Variants in RABGAP1L observed in about 807,000 individuals in gnomAD.
The protein encoded by RABGAP1L is rab GTPase-activating protein 1-like.
In RABGAP1L, 63 loss-of-function variants were observed where a neutral mutation model predicts 137.7. The observed-to-expected ratio is 0.46, with a 90% CI of 0.37 to 0.56. The LOEUF (loss-of-function observed/expected upper bound fraction) is 0.56, where lower values mean the gene tolerates loss of function less well. Among genes scored for constraint, RABGAP1L ranks in the 20% least tolerant of loss-of-function variants. The pLI is 0.00. For missense variants in RABGAP1L, 1,095 were observed against 1,244.0 expected (o/e 0.88, Z 1.80); for synonymous variants, 431 against 433.7 (o/e 0.99, Z 0.08).
intron 3 of RABGAP1L, among the ~76,000 whole-genome samples, chr1:174,223,160 C>G (rs1669889587): frequency 1.4e-5 from 2 of 147,788 alleles, no homozygotes; most frequent in Admixed American, 1.4e-4. Flanking sequence ...CCCAGCTACT[C>G]AGGAGGCTGA....
chr1:174,672,989 A>T (rs963470334), intron 14 of RABGAP1L, among the ~76,000 whole-genome samples: 9 of 152,108 alleles, frequency 5.9e-5, no homozygotes, highest in Admixed American at 3.3e-4. Context: ...TAGGGATAGG[A>T]TTCGAACTTT....
At chr1:174,815,639 C>G (rs1690317786) in intron 19 of RABGAP1L, among the ~76,000 whole-genome samples, 1 of 152,184 alleles carries the variant, frequency 6.6e-6, no homozygotes, top group East Asian at 1.9e-4. Flanking sequence ...AACTTGTTAG[C>G]TCTGTATGTG....
At chr1:174,524,716 C>T (rs899320729) in intron 13 of RABGAP1L, among the ~76,000 whole-genome samples, 4 of 141,902 alleles carry the variant, frequency 2.8e-5, no homozygotes, top group African/African-American at 5.6e-5. Flanking sequence ...AAATCTTTGC[C>T]TGGACCAGTG....
intron 12 of RABGAP1L, among the ~76,000 whole-genome samples, chr1:174,383,366 A>T (rs1372794677): frequency 1.3e-5 from 2 of 151,512 alleles, no homozygotes; most frequent in African/African-American, 4.9e-5. Flanking sequence ...AGCCTGGGCA[A>T]TGGCGGGCGC....
intron 12 of RABGAP1L, among the ~76,000 whole-genome samples, chr1:174,384,703 G>A (rs556691121): frequency 6.6e-6 from 1 of 152,148 alleles, no homozygotes; most frequent in South Asian, 2.1e-4. Context: ...ATCCTGCAAA[G>A]TTATGTCAAG....
chr1:174,634,586 A>T (rs1462453973), intron 13 of RABGAP1L, among the ~76,000 whole-genome samples: 1 of 132,328 alleles, frequency 7.6e-6, no homozygotes, highest in Non-Finnish European at 1.6e-5. Flanking sequence ...ATGCACACGT[A>T]TGTTTATTGC....
At chr1:174,889,786 G>A (rs1655816343) in intron 19 of RABGAP1L, among the ~76,000 whole-genome samples, 1 of 152,140 alleles carries the variant, frequency 6.6e-6, no homozygotes, top group Non-Finnish European at 1.5e-5. Context: ...CTGGAGTACA[G>A]TGGTGCAATC....
intron 19 of RABGAP1L, among the ~76,000 whole-genome samples, chr1:174,926,055 G>A (rs1026599704): frequency 6.6e-6 from 1 of 151,716 alleles, no homozygotes; most frequent in Non-Finnish European, 1.5e-5. Flanking sequence ...ATCGCCAGTT[G>A]TCTGACCAAC....
intron 18 of RABGAP1L, among the ~76,000 whole-genome samples, chr1:174,763,061 C>T (rs139161617): frequency 0.078 from 11,852 of 151,648 alleles, 641 homozygotes; most frequent in East Asian, 0.32. Context: ...GTGATCCACC[C>T]GCCTTGGCCT....
At chr1:174,473,450 T>C (rs1658162834) in intron 13 of RABGAP1L, among the ~76,000 whole-genome samples, 1 of 152,148 alleles carries the variant, frequency 6.6e-6, no homozygotes, top group Non-Finnish European at 1.5e-5. Flanking sequence ...CAGTTGGAAG[T>C]GGGAAGCAGA....
At chr1:174,233,714 T>C (rs372874142) in intron 4 of RABGAP1L, among the ~76,000 whole-genome samples, 1,931 of 128,782 alleles carry the variant, frequency 0.015, 54 homozygotes, top group African/African-American at 0.067. Flanking sequence ...TGAATAATGC[T>C]GCAATAAACA....
intron 17 of RABGAP1L, among the ~76,000 whole-genome samples, chr1:174,703,065 ATAATC>A (rs1417991833): frequency 6.6e-6 from 1 of 152,194 alleles, no homozygotes; most frequent in Non-Finnish European, 1.5e-5. Context: ...AGCTTAATAT[ATAATC>A]TAGACAGTTT....
chr1:174,823,676 ATTTAT>A (rs1691273085), intron 19 of RABGAP1L, among the ~76,000 whole-genome samples: 1 of 152,226 alleles, frequency 6.6e-6, no homozygotes, highest in South Asian at 2.1e-4. Flanking sequence ...ATAGTTAATA[ATTTAT>A]TGTGTACTTC....
chr1:174,459,679 C>T (rs2149277619), intron 13 of RABGAP1L, among the ~76,000 whole-genome samples: 1 of 152,098 alleles, frequency 6.6e-6, no homozygotes, highest in South Asian at 2.1e-4. Flanking sequence ...ACAGATGCGA[C>T]CATCCATTTT....
rs534160723 is a variant in RABGAP1L, at chr1:174,241,418, C to G, written c.543-65C>G. On this transcript the variant is annotated intron_variant, in intron 4 of 25. Coordinates refer to ENST00000681986, the MANE Select transcript of RABGAP1L (RefSeq NM_001366446.1). ...TTTTTTTTTAAAAAAAAAAACCTAA[C>G]TGGAAATATGTCTTTGTTCTTCGAG... 20 of 1,091,068 alleles carry G rather than the reference C, an allele frequency of 1.8e-5. No individual in the cohort carries two copies. In the African/African-American group the frequency reaches 2.7e-4, roughly 15 times the overall value. 67.6% of individuals were successfully genotyped at this position (1,091,068 alleles called of 1,614,324 possible). A position where few individuals can be genotyped will look rare whatever the true frequency, so the allele number is the denominator to read the frequency against.
intron 13 of RABGAP1L, among the ~76,000 whole-genome samples, chr1:174,488,598 A>G (rs145251573): frequency 2.6e-5 from 4 of 152,148 alleles, no homozygotes; most frequent in Non-Finnish European, 4.4e-5. Flanking sequence ...CTTTGCTATT[A>G]TCTCTTTGGA....
At chr1:174,616,432 T>A (rs1279065405) in intron 13 of RABGAP1L, among the ~76,000 whole-genome samples, 1 of 152,246 alleles carries the variant, frequency 6.6e-6, no homozygotes, top group Non-Finnish European at 1.5e-5. Context: ...CCTGCTTCTC[T>A]AATTCTGATT....
chr1:174,548,507 G>A (rs940818365), intron 13 of RABGAP1L: 56 of 951,278 alleles, frequency 5.9e-5, no homozygotes, highest in Admixed American at 1.8e-4. Context: ...TCATGGCAGT[G>A]TACAAATGAA....
intron 14 of RABGAP1L, among the ~76,000 whole-genome samples, chr1:174,643,655 A>G (rs1003767798): frequency 6.6e-6 from 1 of 152,134 alleles, no homozygotes; most frequent in African/African-American, 2.4e-5. Context: ...GCATGTCGTT[A>G]TTTGATCCCC....
Sources: allele counts gnomAD v4.1 joint callset (sites outside exome capture counted in the v4.1 genomes callset), GRCh38; gene constraint gnomAD v4.1.1; transcripts MANE v1.5; gene names NCBI Gene and HGNC (gene_info 2026-07-23, HGNC 2026-07-21).